MOB3B: variants seen among roughly 807,000 people sequenced by gnomAD.
MOB3B encodes MOB kinase activator 3B.
In MOB3B, 7 loss-of-function variants were observed where a neutral mutation model predicts 18.7. The ratio of observed to expected loss-of-function variants is 0.37; its 90% CI spans 0.21 to 0.70. The LOEUF is 0.70. MOB3B is among the 30% of genes least tolerant of loss of function. The pLI is 0.52. For synonymous variants in MOB3B, 111 were observed against 99.9 expected (o/e 1.11, Z -0.66); for missense variants, 253 against 281.3 (o/e 0.90, Z 0.72).
At chr9:27,341,615 T>C (rs1251379566) in intron 3 of MOB3B, among the ~76,000 whole-genome samples, 1 of 152,234 alleles carries the variant, frequency 6.6e-6, no homozygotes, top group Non-Finnish European at 1.5e-5. Context: ...CTACCACCTA[T>C]TGAAACATGT....
chr9:27,450,099 C>G (rs1281430913), intron 2 of MOB3B, among the ~76,000 whole-genome samples: 2 of 152,030 alleles, frequency 1.3e-5, no homozygotes, highest in Non-Finnish European at 2.9e-5. Context: ...ATTTTCAGAT[C>G]CCTTGCCACA....
At chr9:27,512,690 T>A (rs1187370847) in intron 1 of MOB3B, among the ~76,000 whole-genome samples, 1 of 152,176 alleles carries the variant, frequency 6.6e-6, no homozygotes, top group Non-Finnish European at 1.5e-5. Context: ...CATTTCTGAG[T>A]TTTTGTTTTT....
chr9:27,393,632 T>C (rs1295106095), intron 2 of MOB3B, among the ~76,000 whole-genome samples: 1 of 152,138 alleles, frequency 6.6e-6, no homozygotes, highest in Non-Finnish European at 1.5e-5. Flanking sequence ...GAAAATAACT[T>C]CATAGCTAAC....
chr9:27,375,226 C>T (rs1563853283), intron 2 of MOB3B, among the ~76,000 whole-genome samples: 1 of 152,206 alleles, frequency 6.6e-6, no homozygotes, highest in Non-Finnish European at 1.5e-5. Flanking sequence ...ATACTTGCAG[C>T]TTCTTTGTTC....
chr9:27,425,821 T>C (rs1394527694), intron 2 of MOB3B, among the ~76,000 whole-genome samples: 1 of 152,170 alleles, frequency 6.6e-6, no homozygotes, highest in Admixed American at 6.5e-5. Context: ...CCAAGGTATT[T>C]CCAAACAATG....
intron 1 of MOB3B, among the ~76,000 whole-genome samples, chr9:27,458,534 G>A (rs1228287518): frequency 1.5e-5 from 1 of 64,794 alleles, no homozygotes; most frequent in Non-Finnish European, 3.1e-5. Context: ...TTTTTTTTTT[G>A]AGACAGGAAG....
chr9:27,446,250 T>C (rs1822691198), intron 2 of MOB3B, among the ~76,000 whole-genome samples: 1 of 151,890 alleles, frequency 6.6e-6, no homozygotes, highest in Non-Finnish European at 1.5e-5. Context: ...TTTTTTAATA[T>C]GAACTATGTG....
At chr9:27,481,384 G>A (rs955125161) in intron 1 of MOB3B, among the ~76,000 whole-genome samples, 6 of 152,046 alleles carry the variant, frequency 3.9e-5, no homozygotes, top group African/African-American at 1.2e-4. Context: ...GCCAGGTGTA[G>A]GAAAGCAACA....
chr9:27,463,508 T>C (rs1819328436), intron 1 of MOB3B, among the ~76,000 whole-genome samples: 1 of 152,200 alleles, frequency 6.6e-6, no homozygotes, highest in African/African-American at 2.4e-5. Context: ...AACAGAGACC[T>C]AGCCCTATGT....
At chr9:27,525,450 CG>C (rs1035188220) in intron 1 of MOB3B, among the ~76,000 whole-genome samples, 11 of 152,078 alleles carry the variant, frequency 7.2e-5, no homozygotes, top group Non-Finnish European at 1.5e-4. Context: ...CCCTCCTGCT[CG>C]GGGGGAAAAA....
intron 1 of MOB3B, among the ~76,000 whole-genome samples, chr9:27,472,981 A>C (rs1819496173): frequency 6.6e-6 from 1 of 152,270 alleles, no homozygotes; most frequent in South Asian, 2.1e-4. Context: ...TGATCAAGAT[A>C]CAAACCATTT....
intron 2 of MOB3B, among the ~76,000 whole-genome samples, chr9:27,443,765 A>G (rs1822631844): frequency 6.6e-6 from 1 of 152,128 alleles, no homozygotes; most frequent in Non-Finnish European, 1.5e-5. Flanking sequence ...AGAAGGTAAC[A>G]TTTTGGTTTG....
chr9:27,351,356 G>C (rs1254487951), intron 3 of MOB3B, among the ~76,000 whole-genome samples: 1 of 132,032 alleles, frequency 7.6e-6, no homozygotes, highest in African/African-American at 2.9e-5. Flanking sequence ...TGTAGGTCAG[G>C]CTGGGAGGAT....
chr9:27,343,364 G>A (rs1269678041), intron 3 of MOB3B, among the ~76,000 whole-genome samples: 1 of 149,794 alleles, frequency 6.7e-6, no homozygotes, highest in Non-Finnish European at 1.5e-5. Context: ...CTCTGTCTAG[G>A]AAAACCAGAG....
chr9:27,348,320 A>G (rs1388905140), intron 3 of MOB3B, among the ~76,000 whole-genome samples: 2 of 152,130 alleles, frequency 1.3e-5, no homozygotes, highest in East Asian at 3.8e-4. Context: ...AATATTTTAA[A>G]ATTATTTAAC....
chr9:27,506,870 C>T lies in MOB3B; in HGVS notation c.-199+22685G>A, dbSNP rs538253451. 8.3e-5 allele frequency among the ~76,000 whole-genome samples: 11 copies of T among 132,604 alleles called. No homozygotes were observed. In the South Asian group the frequency reaches 1.6e-3, roughly 20 times the overall value. The allele number at this position is 132,604 out of a possible 152,430, so 87.0% of individuals were successfully genotyped here. A position where few individuals can be genotyped will look rare whatever the true frequency, so the allele number is the denominator to read the frequency against. On this transcript the variant is annotated intron_variant, in intron 1 of 3. Transcript: ENST00000262244. ...TTTTTTTTTGTATTTTTAGTAGAGA[C>T]GGGGTTTCACCATCTTGGCCAGGAT...
intron 1 of MOB3B, among the ~76,000 whole-genome samples, chr9:27,489,741 C>CTTTTTTTTT (rs66757462): frequency 0.019 from 1,408 of 73,150 alleles, 172 homozygotes; most frequent in Middle Eastern, 0.044. Context: ...AGGAAATAAT[C>CTTTTTTTTT]TTTTTTTTTT....
intron 2 of MOB3B, among the ~76,000 whole-genome samples, chr9:27,416,878 G>T (rs58977082): frequency 0.072 from 11,022 of 152,096 alleles, 491 homozygotes; most frequent in South Asian, 0.12. Flanking sequence ...ACAAAAGATA[G>T]CCACCACTCC....
chr9:27,399,237 T>A (rs1821841894), intron 2 of MOB3B, among the ~76,000 whole-genome samples: 1 of 152,150 alleles, frequency 6.6e-6, no homozygotes, highest in Non-Finnish European at 1.5e-5. Flanking sequence ...AGGTGCCTTA[T>A]CCCACTTCCC....
Sources: gnomAD v4.1 joint callset for allele counts (sites outside exome capture counted in the v4.1 genomes callset) on GRCh38, gnomAD v4.1.1 for gene constraint, MANE v1.5 for transcripts, NCBI Gene and HGNC (gene_info 2026-07-23, HGNC 2026-07-21) for gene names.